Variants in PKN2 observed in about 807,000 individuals in gnomAD.
PKN2 encodes protein kinase N2, also known as serine/threonine-protein kinase N2.
PKN2 carries 38 observed loss-of-function variants against 119.1 expected under a neutral mutation model. The observed-to-expected ratio is 0.32, with a 90% CI of 0.25 to 0.42. The LOEUF is 0.42. Among genes scored for constraint, PKN2 ranks in the 10% least tolerant of loss-of-function variants. The probability of loss-of-function intolerance (pLI) is 1.00; values close to 1 mark genes in which losing one functional copy is unlikely to be tolerated. For synonymous variants in PKN2, 390 were observed against 384.9 expected, an observed-to-expected ratio of 1.01 and a Z score of -0.15; for missense variants, 850 against 1,165.1, an observed-to-expected ratio of 0.73 and a Z score of 3.94.
chr1:88,761,718 T>C (rs17130601), intron 3 of PKN2, among the ~76,000 whole-genome samples: 10,111 of 152,052 alleles, frequency 0.066, 684 homozygotes, highest in African/African-American at 0.18. Context: ...AGATTTTATG[T>C]TATATTTCAA....
intron 1 of PKN2, among the ~76,000 whole-genome samples, chr1:88,705,422 C>T (rs567972794): frequency 2.0e-5 from 3 of 152,032 alleles, no homozygotes; most frequent in South Asian, 2.1e-4. Context: ...TGGCTGGGCA[C>T]GGTGGTGCAC....
At chr1:88,775,949 C>CA (rs71584927) in intron 6 of PKN2, among the ~76,000 whole-genome samples, 16 of 150,404 alleles carry the variant, frequency 1.1e-4, no homozygotes, top group African/African-American at 2.4e-4. Flanking sequence ...ACTAAAAATA[C>CA]AAAAAAAAAT....
chr1:88,781,450 A>G (rs1350238661), intron 6 of PKN2, among the ~76,000 whole-genome samples: 8 of 150,026 alleles, frequency 5.3e-5, no homozygotes, highest in Non-Finnish European at 2.9e-5. Context: ...CAGACAGTTG[A>G]AAGAAAATTT....
intron 2 of PKN2, among the ~76,000 whole-genome samples, chr1:88,744,312 C>G (rs138976753): frequency 3.9e-4 from 59 of 152,260 alleles, no homozygotes; most frequent in East Asian, 1.9e-3. Context: ...TTCCTGTTGT[C>G]TTGTGGGTAC....
intron 19 of PKN2, chr1:88,828,978 C>T (rs764758146): frequency 1.6e-6 from 1 of 637,726 alleles, no homozygotes; most frequent in Non-Finnish European, 3.0e-6. Flanking sequence ...ATAGATTGGT[C>T]AGAAATAAAT....
rs760461627 is a variant in PKN2 at position 88,771,842 on chromosome 1, T to C, written c.948T>C (p.Asn316=). 6 of 1,613,852 alleles carry C rather than the reference T, an allele frequency of 3.7e-6. No homozygotes were observed. The South Asian group carries it at 5.5e-5, about 15-fold the overall frequency. ...SPRQSMISTQ[N]QYSTLSKPAA... is the part of the protein sequence containing the mutation. ...GTCAAAGTATGATATCTACGCAAAATCAATATAGTACACTATCCAAACCAG... is the reference window on the plus strand; with the variant it reads ...GTCAAAGTATGATATCTACGCAAAACCAATATAGTACACTATCCAAACCAG... Residue 316 remains asparagine, a synonymous_variant, in exon 6 of 22, where the codon AAT becomes AAC. Coordinates refer to ENST00000370521, the MANE Select transcript of PKN2 (RefSeq NM_006256.4).
At chr1:88,758,789 G>T (rs1041299017) in intron 2 of PKN2, among the ~76,000 whole-genome samples, 1 of 151,908 alleles carries the variant, frequency 6.6e-6, no homozygotes, top group Non-Finnish European at 1.5e-5. Flanking sequence ...GTCTGTCATT[G>T]CTGGGCATTT....
chr1:88,729,436 T>C (rs1047353511), intron 1 of PKN2, among the ~76,000 whole-genome samples: 3 of 152,206 alleles, frequency 2.0e-5, no homozygotes, highest in African/African-American at 7.2e-5. Context: ...GCAGCTGTAT[T>C]CAGCTGGTGG....
intron 15 of PKN2, among the ~76,000 whole-genome samples, chr1:88,811,357 A>G (rs1570667673): frequency 6.6e-6 from 1 of 152,236 alleles, no homozygotes; most frequent in Non-Finnish European, 1.5e-5. Flanking sequence ...ATAACTATTT[A>G]TATAAGTTTT....
chr1:88,825,956 A>G (rs973975689), intron 18 of PKN2, among the ~76,000 whole-genome samples: 2 of 151,806 alleles, frequency 1.3e-5, no homozygotes, highest in East Asian at 1.9e-4. Context: ...ACCCATCCCA[A>G]CTCTATTTGC....
intron 3 of PKN2, among the ~76,000 whole-genome samples, chr1:88,766,979 A>C (rs941280797): frequency 1.3e-5 from 2 of 152,212 alleles, no homozygotes; most frequent in African/African-American, 4.8e-5. Flanking sequence ...ATAGTGAAGA[A>C]AGGAGTATTT....
chr1:88,809,041 A>G (rs1365831348), intron 15 of PKN2, among the ~76,000 whole-genome samples: 1 of 152,146 alleles, frequency 6.6e-6, no homozygotes, highest in East Asian at 1.9e-4. Flanking sequence ...TTTCCACCAT[A>G]TGGGTAGTTC....
At chr1:88,751,263 A>G (rs1035161348) in intron 2 of PKN2, among the ~76,000 whole-genome samples, 2 of 152,064 alleles carry the variant, frequency 1.3e-5, no homozygotes, top group Non-Finnish European at 2.9e-5. Context: ...ACTTTGCAGT[A>G]TGTTTGAAAA....
rs573144999 is a variant in PKN2, at chr1:88,758,693, C to T, written c.350-1529C>T. ...AATAGCCTCCAGCTCCATCCATGTT[C>T]CTGCAGAGGACATGATCTCTCTTTT... On this transcript the variant is annotated intron_variant, in intron 2 of 21. Transcript: ENST00000370521. Among the ~76,000 whole-genome samples, 24 of 152,244 alleles carry T rather than the reference C, an allele frequency of 1.6e-4. No homozygotes were observed. In the South Asian group the frequency reaches 5.0e-3, roughly 32 times the overall value.
In PKN2 at chr1:88,741,261, G is replaced by A. The variant is rs1183033418; in HGVS notation, c.322G>A (p.Val108Ile). The A allele has an allele frequency of 1.9e-6, 3 of 1,588,100 alleles. No individual in the cohort carries two copies. The highest frequency in any genetic ancestry group is 1.4e-5 in the African/African-American group (1 of 73,366). Residue 108 changes from valine (V) to isoleucine (I), a missense_variant, in exon 2 of 22, where the codon GTT becomes ATT. Around this residue, in one of 9 missense-constraint regions of PKN2, gnomAD observed 350 missense variants for 511.1 expected, o/e 0.68. Transcript: ENST00000370521. The stretch of plus-strand genomic sequence containing the variant: ...GCTGCAGGAATTAAATGCACATATT[G>A]TTGTATCAGATCCAGAAGATATTAC... ...HKLQELNAHI[V>I]VSDPEDITDC...
chr1:88,784,601 G>T, intron 6 of PKN2, 38 bp from the exon 7 acceptor site: 1 of 1,301,922 alleles, frequency 7.7e-7, no homozygotes, highest in Non-Finnish European at 1.0e-6. Flanking sequence ...ATAGATTAAG[G>T]GTTGATGTTC....
At chr1:88,734,745 A>G in intron 1 of PKN2, among the ~76,000 whole-genome samples, 1 of 151,950 alleles carries the variant, frequency 6.6e-6, no homozygotes. Context: ...TTTCCCTGTT[A>G]TTTTTGGTGT....
At chr1:88,800,341 G>C (rs532577473) in intron 8 of PKN2, among the ~76,000 whole-genome samples, 1 of 152,252 alleles carries the variant, frequency 6.6e-6, no homozygotes, top group Admixed American at 6.5e-5. Context: ...TATTCCATTA[G>C]TACATGATTA....
At chr1:88,801,938 T>C (rs990585680) in intron 8 of PKN2, among the ~76,000 whole-genome samples, 1 of 152,214 alleles carries the variant, frequency 6.6e-6, no homozygotes, top group Non-Finnish European at 1.5e-5. Context: ...CCTAAAACTT[T>C]CCTAAATAGG....
Sources: gnomAD v4.1 joint callset for allele counts (sites outside exome capture counted in the v4.1 genomes callset) on GRCh38, gnomAD v4.1.1 for gene constraint, gnomAD v4.1.1 regional missense constraint, MANE v1.5 for transcripts, NCBI Gene and HGNC (gene_info 2026-07-23, HGNC 2026-07-21) for gene names.